The following ATXN10 variants were observed in gnomAD, a reference collection of about 807,000 sequenced individuals.
ATXN10 encodes ataxin-10.
A neutral mutation model predicts 52.9 loss-of-function variants in ATXN10; 28 were observed. The observed-to-expected ratio is 0.53, with a 90% CI of 0.39 to 0.73. ATXN10 has a LOEUF of 0.73. Ranked by LOEUF, ATXN10 falls within the 30% of genes least tolerant of loss-of-function variation. The probability of loss-of-function intolerance (pLI) is 0.00; values close to 1 mark genes in which losing one functional copy is unlikely to be tolerated. For missense variants in ATXN10, 565 were observed against 577.0 expected (o/e 0.98, Z 0.21); for synonymous variants, 226 against 221.5 (o/e 1.02, Z -0.18).
chr22:45,725,627 T>G (rs1275979329), intron 6 of ATXN10, among the ~76,000 whole-genome samples: 1 of 152,172 alleles, frequency 6.6e-6, no homozygotes, highest in East Asian at 1.9e-4. Context: ...TAGTTTGCCT[T>G]CCTTTTTTCC....
intron 5 of ATXN10, among the ~76,000 whole-genome samples, chr22:45,703,081 G>C (rs1461684541): frequency 6.6e-6 from 1 of 152,190 alleles, no homozygotes; most frequent in Non-Finnish European, 1.5e-5. Flanking sequence ...CTTTAAGGTG[G>C]TGAGGAGCGG....
chr22:45,835,115 G>A lies in ATXN10; in HGVS notation c.1238-7876G>A, dbSNP rs1929123290. Among the ~76,000 whole-genome samples the A allele has an allele frequency of 6.6e-6, 1 of 152,182 alleles. No homozygotes were observed. The highest frequency in any genetic ancestry group is 2.4e-5 in the African/African-American group (1 of 41,460). ...GGATCCTTCACCGCCAAAACCCCGT[G>A]AATGTGAGGTACCTGTGAGCGCGGC... On this transcript the variant is annotated intron_variant, in intron 10 of 11. Coordinates refer to ENST00000252934, the MANE Select transcript of ATXN10 (RefSeq NM_013236.4). The surrounding 1 kb of genome is among the most constrained non-coding windows in gnomAD (Gnocchi z 5.0).
At chr22:45,822,712 G>A (rs1213018026) in intron 10 of ATXN10, among the ~76,000 whole-genome samples, 1 of 151,642 alleles carries the variant, frequency 6.6e-6, no homozygotes, top group Non-Finnish European at 1.5e-5. Flanking sequence ...TGTAGAGATG[G>A]GGTTTCATCA....
intron 9 of ATXN10, chr22:45,740,748 G>A (rs1925497486): frequency 2.9e-6 from 1 of 347,138 alleles, no homozygotes; most frequent in Admixed American, 4.4e-5. Context: ...ACGTGTGTGT[G>A]TGTGTGTATA....
chr22:45,734,590 T>G (rs765889706), intron 7 of ATXN10, among the ~76,000 whole-genome samples: 5 of 151,722 alleles, frequency 3.3e-5, no homozygotes, highest in Non-Finnish European at 5.9e-5. Flanking sequence ...TTGTTTGTTT[T>G]TTAAGTAAAT....
At chr22:45,796,176 C>T (rs1046184920) in intron 9 of ATXN10, among the ~76,000 whole-genome samples, 1 of 152,214 alleles carries the variant, frequency 6.6e-6, no homozygotes, top group Admixed American at 6.5e-5. Context: ...GAGTGTCTGT[C>T]TTATGCAGTT....
At position 45,750,355 on chromosome 22, in the gene ATXN10, C is replaced by T. The variant is rs1466945308; in HGVS notation, c.1173+9817C>T. Among the ~76,000 whole-genome samples, 3 of 152,088 alleles carry T rather than the reference C, an allele frequency of 2.0e-5. No homozygotes were observed. In the East Asian group the frequency reaches 5.8e-4, roughly 29 times the overall value. ...GAGCAGTCTGTCCACCTTGGCCTCC[C>T]AAAGTGCTAGGATTACAGGTGTGAG... On this transcript the variant is annotated intron_variant, in intron 9 of 11. Transcript: ENST00000252934. This position sits in a 1 kb window ranked among gnomAD's most constrained non-coding sequence, Gnocchi z 4.2.
intron 10 of ATXN10, among the ~76,000 whole-genome samples, chr22:45,827,675 A>G (rs1293781746): frequency 6.6e-6 from 1 of 152,238 alleles, no homozygotes; most frequent in East Asian, 1.9e-4. Flanking sequence ...AAATAGTTCT[A>G]CAGTAATAGT....
chr22:45,815,918 T>C (rs1301597234), intron 10 of ATXN10, among the ~76,000 whole-genome samples: 1 of 152,186 alleles, frequency 6.6e-6, no homozygotes, highest in East Asian at 1.9e-4. Context: ...CTTTCATTAA[T>C]CCTACTGAGC....
At chr22:45,731,721 G>A (rs528767886) in intron 7 of ATXN10, among the ~76,000 whole-genome samples, 49 of 152,260 alleles carry the variant, frequency 3.2e-4, no homozygotes, top group African/African-American at 1.1e-3. Context: ...ATGACTGCTC[G>A]CCCACGAGAG....
chr22:45,811,228 C>T (rs1236012836), intron 10 of ATXN10, among the ~76,000 whole-genome samples: 1 of 152,014 alleles, frequency 6.6e-6, no homozygotes, highest in Non-Finnish European at 1.5e-5. Flanking sequence ...GAGAAATAGT[C>T]CTGTTATCAT....
chr22:45,814,383 G>A (rs1928388953), intron 10 of ATXN10, among the ~76,000 whole-genome samples: 1 of 152,212 alleles, frequency 6.6e-6, no homozygotes, highest in South Asian at 2.1e-4. Flanking sequence ...AGCATCAGTA[G>A]TCATCAGGGA....
chr22:45,691,280 T>G (rs1435556180), intron 2 of ATXN10, among the ~76,000 whole-genome samples: 3 of 152,180 alleles, frequency 2.0e-5, no homozygotes, highest in East Asian at 3.9e-4. Flanking sequence ...AGAACTAACT[T>G]TTGACTGTGG....
rs1189881163 is a variant in ATXN10 at position 45,784,239 on chromosome 22, C to T, written c.1174-22720C>T. Among the ~76,000 whole-genome samples, 3 of 152,146 alleles carry T rather than the reference C, an allele frequency of 2.0e-5. No individual in the cohort carries two copies. The highest frequency in any genetic ancestry group is 4.4e-5 in the Non-Finnish European group (3 of 68,034). ...CTGGGCTTTGCCACTCATTAAGCTC[C>T]ATGACTGTGAACAAATTAACCCTTA... On this transcript the variant is annotated intron_variant, in intron 9 of 11. Coordinates refer to ENST00000252934, the MANE Select transcript of ATXN10 (RefSeq NM_013236.4). This position sits in a 1 kb window ranked among gnomAD's most constrained non-coding sequence, Gnocchi z 4.2.
intron 6 of ATXN10, among the ~76,000 whole-genome samples, chr22:45,722,890 C>T (rs1924713223): frequency 6.6e-6 from 1 of 152,060 alleles, no homozygotes; most frequent in African/African-American, 2.4e-5. Context: ...CATTTCTCCA[C>T]ATCCCTATCT....
Position 45,762,931 on chromosome 22 carries a change from C to G in ATXN10, c.1173+22393C>G, listed in dbSNP as rs1335233462. Among the ~76,000 whole-genome samples the G allele has an allele frequency of 6.6e-6, 1 of 152,214 alleles. No homozygotes were observed. The highest frequency in any genetic ancestry group is 1.5e-5 in the Non-Finnish European group (1 of 68,036). ...GCAGAGGCATCACCTAGGGGCTTGTCTGAGATGCAGAGTCTCAGGCTCTAC... is the reference window on the plus strand; with the variant it reads ...GCAGAGGCATCACCTAGGGGCTTGTGTGAGATGCAGAGTCTCAGGCTCTAC... On this transcript the variant is annotated intron_variant, in intron 9 of 11. Coordinates refer to ENST00000252934, the MANE Select transcript of ATXN10 (RefSeq NM_013236.4). This position sits in a 1 kb window ranked among gnomAD's most constrained non-coding sequence, Gnocchi z 4.3.
At position 45,690,700 on chromosome 22, in the gene ATXN10, A is replaced by G. The variant is rs996614127; in HGVS notation, c.308+797A>G. Among the ~76,000 whole-genome samples, 1 of 152,214 alleles carries G rather than the reference A, an allele frequency of 6.6e-6. No homozygotes were observed. Among genetic ancestry groups the G allele is most frequent in the Non-Finnish European group, 1.5e-5 (1 of 68,044 alleles). On this transcript the variant is annotated intron_variant, in intron 2 of 11. Coordinates refer to ENST00000252934, the MANE Select transcript of ATXN10 (RefSeq NM_013236.4). The surrounding 1 kb of genome is among the most constrained non-coding windows in gnomAD (Gnocchi z 4.5). ...AAAGTTCCAAGCTCTGCTTCCACCT[A>G]TTTTATGATGCGCACATTTTTAAAA... is the stretch of plus-strand genomic sequence containing the variant.
Position 45,689,466 on chromosome 22 carries a change from A to G in ATXN10, c.117-246A>G. 9.3e-6 allele frequency: 5 copies of G among 536,328 alleles called. No homozygotes were observed. In the Admixed American group the frequency reaches 1.2e-4, roughly 13 times the overall value. The allele number at this position is 536,328 out of a possible 1,614,324, so 33.2% of individuals were successfully genotyped here. On this transcript the variant is annotated intron_variant, in intron 1 of 11. Transcript: ENST00000252934. ...TACCTTATCTGTAAATGGAGAGGAC[A>G]GTGTTGGCCTCATAAGGCTGTTGCA...
chr22:45,811,712 C>G lies in ATXN10; in HGVS notation c.1237+4690C>G, dbSNP rs1257537281. ...TCTATCCCCAGTGCCACCATCCAGT[C>G]CACACTTGCATCATTGCTGGCCCTG... On this transcript the variant is annotated intron_variant, in intron 10 of 11. Transcript: ENST00000252934. The G allele has an allele frequency of 6.4e-6, 3 of 470,996 alleles. No individual in the cohort carries two copies. The East Asian group carries it at 2.1e-4, about 33-fold the overall frequency. 29.2% of individuals were successfully genotyped at this position (470,996 alleles called of 1,614,324 possible).
Sources: gnomAD v4.1 joint callset for allele counts (sites outside exome capture counted in the v4.1 genomes callset) on GRCh38, gnomAD v4.1.1 for gene constraint, Gnocchi (gnomAD v3.1) non-coding constraint, MANE v1.5 for transcripts, NCBI Gene and HGNC (gene_info 2026-07-23, HGNC 2026-07-21) for gene names.